The following PHACTR2 variants were observed in gnomAD, a reference collection of about 807,000 sequenced individuals.
The protein encoded by PHACTR2 is phosphatase and actin regulator 2.
A neutral mutation model predicts 76.0 loss-of-function variants in PHACTR2; 30 were observed. That is an observed-to-expected ratio of 0.39 (90% CI 0.30 to 0.54). The LOEUF (loss-of-function observed/expected upper bound fraction) is 0.54. Among genes scored for constraint, PHACTR2 ranks in the 20% least tolerant of loss-of-function variants. The pLI is 0.61. For missense variants in PHACTR2, 696 were observed against 781.1 expected (o/e 0.89, Z 1.30); for synonymous variants, 292 against 292.5 (o/e 1.00, Z 0.02).
intron 1 of PHACTR2, among the ~76,000 whole-genome samples, chr6:143,566,804 A>T (rs1318682568): frequency 6.6e-6 from 1 of 151,160 alleles, no homozygotes; most frequent in Non-Finnish European, 1.5e-5. Context: ...ATATTTCAGC[A>T]TGTAATACTA....
At chr6:143,759,868 T>C (rs1222001581) in intron 4 of PHACTR2, among the ~76,000 whole-genome samples, 1 of 152,048 alleles carries the variant, frequency 6.6e-6, no homozygotes, top group African/African-American at 2.4e-5. Flanking sequence ...AATAATTGGG[T>C]TTTGATCACA....
In PHACTR2 at chr6:143,639,120, AAC is replaced by A. The variant is rs1248037110; in HGVS notation, c.13+30800_13+30801del. Among the ~76,000 whole-genome samples the A allele has an allele frequency of 2.0e-5, 3 of 152,246 alleles. No homozygotes were observed. Among genetic ancestry groups the A allele is most frequent in the Non-Finnish European group, 2.9e-5 (2 of 68,042 alleles). On this transcript the variant is annotated intron_variant, in intron 1 of 11. Coordinates refer to the PHACTR2 transcript ENST00000305766. This position sits in a 1 kb window ranked among gnomAD's most constrained non-coding sequence, Gnocchi z 5.0. Reference sequence around the variant, plus strand: ...TCTACATACTTATGCATAATTTTTTAACAGTGTCCAATATTCTTCTGAATTAT... The same window carrying A: ...TCTACATACTTATGCATAATTTTTTAAGTGTCCAATATTCTTCTGAATTAT...
intron 1 of PHACTR2, among the ~76,000 whole-genome samples, chr6:143,551,751 A>G (rs1301964021): frequency 6.6e-6 from 1 of 152,220 alleles, no homozygotes; most frequent in African/African-American, 2.4e-5. Flanking sequence ...TGCAATAAGA[A>G]GATATGTTAA....
At chr6:143,686,513 A>G (rs1449698170) in intron 1 of PHACTR2, among the ~76,000 whole-genome samples, 1 of 117,056 alleles carries the variant, frequency 8.5e-6, no homozygotes, top group African/African-American at 3.2e-5. Context: ...TTTGAGACAG[A>G]GTCTCGCTCT....
rs944808351 is a variant in PHACTR2 at position 143,548,527 on chromosome 6, T to G, written c.217+11320T>G. ...TTAAAGCTAGCAGAGAGGGCTTCCC[T>G]TGGAATCCAATTCCACACACCAGCC... On this transcript the variant is annotated intron_variant, in intron 1 of 11. Transcript: ENST00000367584. This position sits in a 1 kb window ranked among gnomAD's most constrained non-coding sequence, Gnocchi z 4.5. Among the ~76,000 whole-genome samples the G allele has an allele frequency of 2.6e-5, 4 of 152,074 alleles. No homozygotes were observed. Among genetic ancestry groups the G allele is most frequent in the African/African-American group, 9.7e-5 (4 of 41,440 alleles).
At chr6:143,798,522 ATT>A (rs991209524) in intron 11 of PHACTR2, among the ~76,000 whole-genome samples, 4 of 152,078 alleles carry the variant, frequency 2.6e-5, no homozygotes, top group Non-Finnish European at 4.4e-5. Flanking sequence ...TCAGTATGAT[ATT>A]GTCTGTGGGT....
rs540511738 is a variant in PHACTR2, at chr6:143,776,648, C to T, written c.1590-680C>T. On this transcript the variant is annotated intron_variant, in intron 8 of 12. Coordinates refer to ENST00000440869, the MANE Select transcript of PHACTR2 (RefSeq NM_001100164.2). The surrounding 1 kb of genome is among the most constrained non-coding windows in gnomAD (Gnocchi z 5.3). ...TAGGCCCACACATACCTGGTTTGAA[C>T]CACTGCAGTTTTTGGTCTCTGCTAC... 3.9e-5 allele frequency among the ~76,000 whole-genome samples: 6 copies of T among 151,974 alleles called. No homozygotes were observed. Among genetic ancestry groups the T allele is most frequent in the Non-Finnish European group, 8.8e-5 (6 of 68,002 alleles).
chr6:143,594,192 G>A (rs1488959413), intron 1 of PHACTR2, among the ~76,000 whole-genome samples: 1 of 152,182 alleles, frequency 6.6e-6, no homozygotes, highest in Admixed American at 6.5e-5. Flanking sequence ...CATGTATAAG[G>A]TGTATATGAA....
chr6:143,769,869 CTG>C (rs1051282393), intron 6 of PHACTR2, among the ~76,000 whole-genome samples: 13 of 152,236 alleles, frequency 8.5e-5, no homozygotes, highest in African/African-American at 3.1e-4. Flanking sequence ...AAAACCCAGA[CTG>C]TGGAAAATTT....
chr6:143,698,693 G>C lies in PHACTR2; in HGVS notation c.47-13323G>C, dbSNP rs1468026102. Among the ~76,000 whole-genome samples, 1 of 152,194 alleles carries C rather than the reference G, an allele frequency of 6.6e-6. No homozygotes were observed. The highest frequency in any genetic ancestry group is 1.5e-5 in the Non-Finnish European group (1 of 68,030). On this transcript the variant is annotated intron_variant, in intron 1 of 12. Transcript: ENST00000440869. This position sits in a 1 kb window ranked among gnomAD's most constrained non-coding sequence, Gnocchi z 4.3. ...ACACACTGCAGGTCTACGTTTGGGT[G>C]GATGGTTGTTTGACTAATGTCAGCC... is the stretch of plus-strand genomic sequence containing the variant.
chr6:143,721,657 CTG>C (rs888883642), intron 2 of PHACTR2, among the ~76,000 whole-genome samples: 72 of 144,568 alleles, frequency 5.0e-4, no homozygotes, highest in African/African-American at 1.3e-3. Flanking sequence ...GTGTGTGTGT[CTG>C]TGTGTGTGTG....
rs1582877914 is a variant in PHACTR2, at chr6:143,784,493, A to G, written c.1707+1213A>G. Among the ~76,000 whole-genome samples, 2 of 152,290 alleles carry G rather than the reference A, an allele frequency of 1.3e-5. No homozygotes were observed. Among genetic ancestry groups the G allele is most frequent in the East Asian group, 3.9e-4 (2 of 5,182 alleles). Reference sequence around the variant, plus strand: ...ATCTACATGAAGTGTGACCTGACCCACATTTTTGTGGGCTGGCCAGGGAGT... The same window carrying G: ...ATCTACATGAAGTGTGACCTGACCCGCATTTTTGTGGGCTGGCCAGGGAGT... On this transcript the variant is annotated intron_variant, in intron 10 of 12. Transcript: ENST00000440869. This position sits in a 1 kb window ranked among gnomAD's most constrained non-coding sequence, Gnocchi z 4.5.
rs1277169156 is a variant in PHACTR2, at chr6:143,743,404, T to C, written c.215-5581T>C. Among the ~76,000 whole-genome samples, 1 of 152,192 alleles carries C rather than the reference T, an allele frequency of 6.6e-6. No individual in the cohort carries two copies. The highest frequency in any genetic ancestry group is 2.4e-5 in the African/African-American group (1 of 41,438). On this transcript the variant is annotated intron_variant, in intron 2 of 12. Coordinates refer to ENST00000440869, the MANE Select transcript of PHACTR2 (RefSeq NM_001100164.2). The surrounding 1 kb of genome is among the most constrained non-coding windows in gnomAD (Gnocchi z 5.0). ...GCTGGTTCCACAGACTGTAGAATTC[T>C]TTAGTAGGGGAGTGGCTGGAGCAGA... is the stretch of plus-strand genomic sequence containing the variant.
At position 143,731,172 on chromosome 6, in the gene PHACTR2, G is replaced by T. The variant is rs1225338150; in HGVS notation, c.215-17813G>T. Among the ~76,000 whole-genome samples, 1 of 152,202 alleles carries T rather than the reference G, an allele frequency of 6.6e-6. No homozygotes were observed. The highest frequency in any genetic ancestry group is 1.9e-4 in the East Asian group (1 of 5,204). ...TCAAACGCATTTTTCTGGATCAATT[G>T]ATATGGTCATTTCAGTTTTTTTCTT... On this transcript the variant is annotated intron_variant, in intron 2 of 12. Coordinates refer to ENST00000440869, the MANE Select transcript of PHACTR2 (RefSeq NM_001100164.2). This position sits in a 1 kb window ranked among gnomAD's most constrained non-coding sequence, Gnocchi z 4.9.
rs781277505 is a variant in PHACTR2, at chr6:143,765,818, C to A, written c.1232+20C>A. On this transcript the variant is annotated intron_variant, in intron 6 of 12. Coordinates refer to ENST00000440869, the MANE Select transcript of PHACTR2 (RefSeq NM_001100164.2). This position sits in a 1 kb window ranked among gnomAD's most constrained non-coding sequence, Gnocchi z 4.1. ...AAAATGGTGAGTTGGGGAACAAACC[C>A]CCTATTTTATCTGAGAACTAAAGAT... 8 of 1,581,168 alleles carry A rather than the reference C, an allele frequency of 5.1e-6. No homozygotes were observed. In the Admixed American group the frequency reaches 1.4e-4, roughly 27 times the overall value.
rs960448883 is a variant in PHACTR2, at chr6:143,617,898, C to T, written c.13+9576C>T. ...TACGGAGAGACTTAGTCACCTACTT[C>T]CTAATCAGGAAGGTTGGTTTCTTTT... On this transcript the variant is annotated intron_variant, in intron 1 of 11. Transcript: ENST00000305766. The surrounding 1 kb of genome is among the most constrained non-coding windows in gnomAD (Gnocchi z 4.8). Among the ~76,000 whole-genome samples the T allele has an allele frequency of 6.6e-6, 1 of 152,190 alleles. No homozygotes were observed. Among genetic ancestry groups the T allele is most frequent in the Non-Finnish European group, 1.5e-5 (1 of 68,042 alleles).
intron 2 of PHACTR2, among the ~76,000 whole-genome samples, chr6:143,748,488 G>A (rs1381089659): frequency 2.0e-5 from 3 of 152,170 alleles, no homozygotes; most frequent in African/African-American, 7.2e-5. Flanking sequence ...AATATGATGT[G>A]TTGGGCTTTT....
Position 143,738,678 on chromosome 6 carries a change from C to T in PHACTR2, c.215-10307C>T, listed in dbSNP as rs1167441854. On this transcript the variant is annotated intron_variant, in intron 2 of 12. Coordinates refer to ENST00000440869, the MANE Select transcript of PHACTR2 (RefSeq NM_001100164.2). The surrounding 1 kb of genome is among the most constrained non-coding windows in gnomAD (Gnocchi z 4.0). ...GGCTAAGGTGAGAGGATGGCTTGAG[C>T]CCGGGAGGCGGAGGCTGCAGTGAGC... 1.3e-5 allele frequency among the ~76,000 whole-genome samples: 2 copies of T among 151,868 alleles called. No individual in the cohort carries two copies. Among genetic ancestry groups the T allele is most frequent in the Admixed American group, 6.6e-5 (1 of 15,222 alleles).
chr6:143,656,150 C>T lies in PHACTR2; in HGVS notation c.13+47828C>T, dbSNP rs1321482204. ...GCCAAACTGCAGAGGAAATAACAGG[C>T]GCAGAGACTTCTAGCAGGGTTGTCT... On this transcript the variant is annotated intron_variant, in intron 1 of 11. Transcript: ENST00000305766. The surrounding 1 kb of genome is among the most constrained non-coding windows in gnomAD (Gnocchi z 5.3). 6.6e-6 allele frequency among the ~76,000 whole-genome samples: 1 copy of T among 152,116 alleles called. No homozygotes were observed. Among genetic ancestry groups the T allele is most frequent in the Non-Finnish European group, 1.5e-5 (1 of 68,020 alleles).
Sources: gnomAD v4.1 joint callset for allele counts (sites outside exome capture counted in the v4.1 genomes callset) on GRCh38, gnomAD v4.1.1 for gene constraint, Gnocchi (gnomAD v3.1) non-coding constraint, MANE v1.5 for transcripts, NCBI Gene and HGNC (gene_info 2026-07-23, HGNC 2026-07-21) for gene names.